The following GAB2 variants were observed in gnomAD, a reference collection of about 807,000 sequenced individuals.
GAB2 encodes GRB2 associated binding protein 2.
A neutral mutation model predicts 65.5 loss-of-function variants in GAB2; 26 were observed. The ratio of observed to expected loss-of-function variants is 0.40; its 90% CI spans 0.29 to 0.55. The LOEUF is 0.55. Among genes scored for constraint, GAB2 ranks in the 20% least tolerant of loss-of-function variants. The probability of loss-of-function intolerance (pLI) is 0.53; values close to 1 mark genes in which losing one functional copy is unlikely to be tolerated. For synonymous variants in GAB2, 321 were observed against 329.6 expected, an observed-to-expected ratio of 0.97 and a Z score of 0.28; for missense variants, 884 against 875.8, an observed-to-expected ratio of 1.01 and a Z score of -0.12.
At chr11:78,284,706 C>A (rs533216974) in intron 1 of GAB2, among the ~76,000 whole-genome samples, 250 of 152,206 alleles carry the variant, frequency 1.6e-3, no homozygotes, top group African/African-American at 5.8e-3. Context: ...TCCCCCCTTA[C>A]CCTGCTTTAC....
chr11:78,256,563 A>C (rs1865602210), intron 2 of GAB2, among the ~76,000 whole-genome samples: 1 of 152,234 alleles, frequency 6.6e-6, no homozygotes, highest in African/African-American at 2.4e-5. Flanking sequence ...ACGGGACAGA[A>C]GTCAAGAGAC....
At position 78,417,728 on chromosome 11, in the gene GAB2, GC is replaced by G. The variant is rs748020119; in HGVS notation, c.-9del. ...GTCGCCGCCGCCGCTCATGCTGCCG[GC>G]CTGGAGCCCCCCGCCGGGTCGCGCG... is the stretch of plus-strand genomic sequence containing the variant. On this transcript the variant is annotated 5_prime_UTR_variant, in exon 1 of 10. Transcript: ENST00000361507. The G allele has an allele frequency of 1.5e-5, 19 of 1,297,346 alleles. 1 individual carries two copies. The South Asian group carries it at 3.1e-4, about 21-fold the overall frequency. The allele number at this position is 1,297,346 out of a possible 1,614,324, so 80.4% of individuals were successfully genotyped here.
intron 1 of GAB2, 35 bp downstream of exon 1, chr11:78,417,611 C>T (rs1230434043): frequency 8.1e-6 from 10 of 1,237,888 alleles, no homozygotes; most frequent in Admixed American, 3.0e-5. Flanking sequence ...CGGAGCGCCC[C>T]CCGCCCGCCC....
chr11:78,251,850 T>G (rs1411738878), intron 2 of GAB2, among the ~76,000 whole-genome samples: 1 of 152,234 alleles, frequency 6.6e-6, no homozygotes, highest in Non-Finnish European at 1.5e-5. Flanking sequence ...GACTGTGATG[T>G]TGTTACCATT....
intron 1 of GAB2, among the ~76,000 whole-genome samples, chr11:78,293,397 A>G (rs1040099975): frequency 6.6e-6 from 1 of 152,210 alleles, no homozygotes; most frequent in Non-Finnish European, 1.5e-5. Context: ...CTGTTCAATG[A>G]AAGTTATACC....
chr11:78,297,954 G>A (rs1008394705), intron 1 of GAB2, among the ~76,000 whole-genome samples: 1 of 152,082 alleles, frequency 6.6e-6, no homozygotes, highest in Admixed American at 6.6e-5. Context: ...TGAGGGGAAT[G>A]GGCATATAAG....
At chr11:78,385,064 A>C (rs1048060982) in intron 1 of GAB2, among the ~76,000 whole-genome samples, 3 of 152,246 alleles carry the variant, frequency 2.0e-5, no homozygotes, top group African/African-American at 7.2e-5. Context: ...GGAAATGACT[A>C]TCCTATAATA....
intron 1 of GAB2, among the ~76,000 whole-genome samples, chr11:78,344,868 G>A (rs1056494793): frequency 6.6e-5 from 10 of 152,144 alleles, no homozygotes; most frequent in African/African-American, 2.2e-4. Flanking sequence ...GGAAGACAAA[G>A]GGTCTAATGT....
At chr11:78,414,125 T>C (rs1857163837) in intron 1 of GAB2, among the ~76,000 whole-genome samples, 1 of 148,208 alleles carries the variant, frequency 6.7e-6, no homozygotes, top group Non-Finnish European at 1.5e-5. Context: ...AGAAAGGAAC[T>C]ATGCAGATAC....
In GAB2 at chr11:78,341,957, G is replaced by A. The variant is rs1856103993; in HGVS notation, c.76-61056C>T. On this transcript the variant is annotated intron_variant, in intron 1 of 9. Coordinates refer to ENST00000361507, the MANE Select transcript of GAB2 (RefSeq NM_080491.3). ...GAATCTCCACCAGCCTGTGTGGAAGGGAGACAAAGGCCAGTGTGTGTTGTG... is the reference window on the plus strand; with the variant it reads ...GAATCTCCACCAGCCTGTGTGGAAGAGAGACAAAGGCCAGTGTGTGTTGTG... 4.9e-6 allele frequency: 4 copies of A among 811,584 alleles called. No individual in the cohort carries two copies. In the Admixed American group the frequency reaches 1.9e-4, roughly 38 times the overall value. 50.3% of individuals were successfully genotyped at this position (811,584 alleles called of 1,614,324 possible).
chr11:78,277,041 T>C (rs1022255078), intron 2 of GAB2, among the ~76,000 whole-genome samples: 1 of 152,092 alleles, frequency 6.6e-6, no homozygotes, highest in African/African-American at 2.4e-5. Context: ...ATGGTGTCGA[T>C]CTCCTAACCT....
At chr11:78,260,074 G>A (rs569896707) in intron 2 of GAB2, among the ~76,000 whole-genome samples, 7 of 152,248 alleles carry the variant, frequency 4.6e-5, no homozygotes, top group South Asian at 2.1e-4. Flanking sequence ...ATAGATTCTC[G>A]AGTTCAGAAA....
At chr11:78,397,190 AC>A (rs1381615328) in intron 1 of GAB2, among the ~76,000 whole-genome samples, 1 of 152,162 alleles carries the variant, frequency 6.6e-6, no homozygotes, top group Non-Finnish European at 1.5e-5. Flanking sequence ...AAACAAACAA[AC>A]AAAAAAAACC....
In GAB2 at chr11:78,252,734, G is replaced by A. The variant is rs1459637454; in HGVS notation, c.377-2334C>T. Among the ~76,000 whole-genome samples, 3 of 151,992 alleles carry A rather than the reference G, an allele frequency of 2.0e-5. No homozygotes were observed. In the East Asian group the frequency reaches 5.8e-4, roughly 29 times the overall value. ...ATCTCTAGCTCAGTTCTCTCTCCGG[G>A]ACTCCCTGCTATATATCCCTTCACC... On this transcript the variant is annotated intron_variant, in intron 2 of 9. Transcript: ENST00000361507.
chr11:78,227,854 T>C (rs1864728707), intron 3 of GAB2, among the ~76,000 whole-genome samples: 1 of 152,122 alleles, frequency 6.6e-6, no homozygotes, highest in Admixed American at 6.6e-5. Flanking sequence ...ACGTAAGCTC[T>C]AGATTTATTT....
At chr11:78,296,840 A>C (rs1026763062) in intron 1 of GAB2, among the ~76,000 whole-genome samples, 2 of 152,222 alleles carry the variant, frequency 1.3e-5, no homozygotes, top group Admixed American at 6.5e-5. Flanking sequence ...TGGAGGCTGG[A>C]AAGTCCAGGA....
intron 1 of GAB2, among the ~76,000 whole-genome samples, chr11:78,326,746 C>G (rs1316043369): frequency 4.6e-5 from 7 of 152,174 alleles, no homozygotes; most frequent in African/African-American, 1.7e-4. Flanking sequence ...ACATGAAATT[C>G]TATTGTGGAG....
chr11:78,312,561 G>A (rs913643562), intron 1 of GAB2, among the ~76,000 whole-genome samples: 7 of 152,002 alleles, frequency 4.6e-5, no homozygotes, highest in Admixed American at 2.0e-4. Context: ...GAGTAGCTGG[G>A]ATTACAGGTG....
chr11:78,231,325 C>G (rs962594533), intron 3 of GAB2, among the ~76,000 whole-genome samples: 1 of 117,274 alleles, frequency 8.5e-6, no homozygotes, highest in South Asian at 2.7e-4. Flanking sequence ...GGTGCGCGCG[C>G]GCGCGTGTGT....
Sources: gnomAD v4.1 joint callset for allele counts (sites outside exome capture counted in the v4.1 genomes callset) on GRCh38, gnomAD v4.1.1 for gene constraint, MANE v1.5 for transcripts, NCBI Gene and HGNC (gene_info 2026-07-23, HGNC 2026-07-21) for gene names.